CALN1: variants seen among roughly 807,000 people sequenced by gnomAD.
CALN1 encodes calcium-binding protein 8.
A neutral mutation model predicts 30.6 loss-of-function variants in CALN1; 17 were observed. The observed-to-expected ratio is 0.56, with a 90% CI of 0.38 to 0.83. CALN1 has a LOEUF of 0.83. CALN1 is among the 40% of genes least tolerant of loss of function. The pLI is 0.00. For missense variants in CALN1, 291 were observed against 354.9 expected (o/e 0.82, Z 1.45); for synonymous variants, 156 against 131.4 (o/e 1.19, Z -1.28).
intron 3 of CALN1, among the ~76,000 whole-genome samples, chr7:72,177,752 G>GAAA (rs71517077): frequency 2.4e-4 from 32 of 132,154 alleles, no homozygotes; most frequent in Admixed American, 1.2e-3. Flanking sequence ...GCGACAGAGG[G>GAAA]AAAAAAAAAA....
intron 4 of CALN1, among the ~76,000 whole-genome samples, chr7:72,035,428 T>C (rs1584793799): frequency 6.6e-6 from 1 of 152,326 alleles, no homozygotes; most frequent in East Asian, 1.9e-4. Flanking sequence ...TGTTGTAGCA[T>C]ATGCCAGCAT....
chr7:72,042,591 G>A (rs774373819), intron 4 of CALN1, among the ~76,000 whole-genome samples: 2 of 152,104 alleles, frequency 1.3e-5, no homozygotes, highest in African/African-American at 2.4e-5. Context: ...ACAGGGGCAG[G>A]AGCAGTGGAT....
chr7:72,051,501 A>G (rs1431758635), intron 4 of CALN1, among the ~76,000 whole-genome samples: 1 of 152,192 alleles, frequency 6.6e-6, no homozygotes, highest in Non-Finnish European at 1.5e-5. Context: ...AGGAAAAATT[A>G]TATCTGAGTT....
chr7:72,080,153 T>C lies in CALN1; in HGVS notation c.388+25998A>G, dbSNP rs1309026494. On this transcript the variant is annotated intron_variant, in intron 4 of 6. Transcript: ENST00000395275. ...TGCCACGTTTACTGTAAACATGTCCTATGAAATGCCATGAACCCAACTACA... is the reference window on the plus strand; with the variant it reads ...TGCCACGTTTACTGTAAACATGTCCCATGAAATGCCATGAACCCAACTACA... 3.9e-5 allele frequency among the ~76,000 whole-genome samples: 6 copies of C among 152,222 alleles called. No individual in the cohort carries two copies. In the East Asian group the frequency reaches 5.8e-4, roughly 15 times the overall value.
chr7:72,196,104 GTTTCTT>G (rs1266858828), intron 3 of CALN1, among the ~76,000 whole-genome samples: 2 of 151,764 alleles, frequency 1.3e-5, no homozygotes, highest in Non-Finnish European at 2.9e-5. Flanking sequence ...GGGGTATTAA[GTTTCTT>G]TTTCTTTTCT....
the CALN1 span, among the ~76,000 whole-genome samples, chr7:72,473,927 T>TAA: frequency 1.1e-4 from 15 of 135,078 alleles, no homozygotes; most frequent in African/African-American, 2.2e-4. Flanking sequence ...AGACTCTGTT[T>TAA]AAAAAAAAAA....
chr7:72,439,721 C>T (rs143829439), intron 1 of CALN1, among the ~76,000 whole-genome samples: 4 of 151,962 alleles, frequency 2.6e-5, no homozygotes, highest in East Asian at 3.9e-4. Context: ...GGATGACAAG[C>T]GCCCGCCACA....
intron 3 of CALN1, among the ~76,000 whole-genome samples, chr7:72,262,880 T>C (rs1358169905): frequency 1.3e-5 from 2 of 152,140 alleles, no homozygotes; most frequent in Non-Finnish European, 2.9e-5. Context: ...AGTGCTGAGG[T>C]TGAAGTGGGG....
At chr7:71,826,207 C>G (rs1019963874) in intron 5 of CALN1, among the ~76,000 whole-genome samples, 4 of 152,034 alleles carry the variant, frequency 2.6e-5, no homozygotes, top group Non-Finnish European at 5.9e-5. Flanking sequence ...CACAAGGAAT[C>G]AGCTCAAGGG....
intron 2 of CALN1, among the ~76,000 whole-genome samples, chr7:72,396,910 AAGTAGT>A (rs1490362533): frequency 2.6e-5 from 4 of 152,026 alleles, no homozygotes; most frequent in Non-Finnish European, 4.4e-5. Flanking sequence ...GTAGTAGTAA[AAGTAGT>A]AGTAGAACTA....
intron 2 of CALN1, among the ~76,000 whole-genome samples, chr7:72,335,521 A>G (rs1320508481): frequency 1.3e-5 from 2 of 152,122 alleles, no homozygotes. Context: ...TATCACCACT[A>G]AACAGACTTC....
intron 2 of CALN1, among the ~76,000 whole-genome samples, chr7:72,324,492 C>T (rs1029506812): frequency 1.3e-5 from 2 of 152,070 alleles, no homozygotes; most frequent in African/African-American, 4.8e-5. Flanking sequence ...AAAATCTTTC[C>T]CTAGGAGTGG....
At chr7:72,380,646 A>T (rs1042966016) in intron 2 of CALN1, among the ~76,000 whole-genome samples, 2 of 152,132 alleles carry the variant, frequency 1.3e-5, no homozygotes, top group African/African-American at 2.4e-5. Flanking sequence ...GAAACCAGCT[A>T]GACGGCTGCT....
At chr7:71,991,855 T>G (rs959437428) in intron 5 of CALN1, among the ~76,000 whole-genome samples, 1 of 152,210 alleles carries the variant, frequency 6.6e-6, no homozygotes, top group African/African-American at 2.4e-5. Context: ...CTGATTTGAT[T>G]TGATAATAAT....
intron 6 of CALN1, among the ~76,000 whole-genome samples, chr7:71,803,038 A>G (rs1040809747): frequency 4.6e-5 from 7 of 152,122 alleles, no homozygotes; most frequent in Non-Finnish European, 1.0e-4. Context: ...AAGAAAAAGA[A>G]AAAGAAAAAA....
At chr7:72,218,717 C>G (rs189416716) in intron 3 of CALN1, among the ~76,000 whole-genome samples, 6 of 152,230 alleles carry the variant, frequency 3.9e-5, no homozygotes, top group Middle Eastern at 3.4e-3. Context: ...CAATGGGAAC[C>G]CTGGGAGAGT....
At chr7:72,181,547 C>G (rs1371451622) in intron 3 of CALN1, among the ~76,000 whole-genome samples, 1 of 150,598 alleles carries the variant, frequency 6.6e-6, no homozygotes, top group African/African-American at 2.4e-5. Flanking sequence ...GGCATGGTCT[C>G]GGCTCATTGC....
intron 4 of CALN1, among the ~76,000 whole-genome samples, chr7:72,095,932 C>G (rs547474540): frequency 6.6e-6 from 1 of 152,032 alleles, no homozygotes; most frequent in Non-Finnish European, 1.5e-5. Context: ...CCCAGCAACT[C>G]GGGAAGCTGA....
chr7:72,287,435 A>ATTTTTTTTTTT lies in CALN1; in HGVS notation c.120-8636_120-8626dup, dbSNP rs71069052. Among the ~76,000 whole-genome samples, 5 of 68,040 alleles carry ATTTTTTTTTTT rather than the reference A, an allele frequency of 7.3e-5. 1 individual carries two copies. The highest frequency in any genetic ancestry group is 4.9e-4 in the East Asian group (1 of 2,050). The allele number at this position is 68,040 out of a possible 152,430, so 44.6% of individuals were successfully genotyped here. ...AAATCCATACACATACACCAAATTA[A>ATTTTTTTTTTT]TTTTTTTTTTTTTTTTTTTTTTTTT... On this transcript the variant is annotated intron_variant, in intron 2 of 6. Transcript: ENST00000395275.
Sources: allele counts gnomAD v4.1 joint callset (sites outside exome capture counted in the v4.1 genomes callset), GRCh38; gene constraint gnomAD v4.1.1; transcripts MANE v1.5; gene names NCBI Gene and HGNC (gene_info 2026-07-23, HGNC 2026-07-21).